PAIP2: variants seen among roughly 807,000 people sequenced by gnomAD.
PAIP2 encodes the protein poly(A) binding protein interacting protein 2.
PAIP2 carries 7 observed loss-of-function variants against 14.8 expected under a neutral mutation model. That is an observed-to-expected ratio of 0.47 (90% CI 0.27 to 0.89). The LOEUF is 0.89. Ranked by LOEUF, PAIP2 falls within the 40% of genes least tolerant of loss-of-function variation. The pLI is 0.13. For missense variants in PAIP2, 122 were observed against 154.7 expected, an observed-to-expected ratio of 0.79 and a Z score of 1.12; for synonymous variants, 47 against 45.3, an observed-to-expected ratio of 1.04 and a Z score of -0.15.
intron 1 of PAIP2, among the ~76,000 whole-genome samples, chr5:139,352,498 TGTTG>T (rs775437086): frequency 3.6e-4 from 34 of 94,758 alleles, no homozygotes; most frequent in African/African-American, 7.9e-4. Context: ...GTTTTTTTTT[TGTTG>T]TTTTTTTTTT....
chr5:139,348,317 TAGCTGGGACAAC>T (rs1043531699), intron 1 of PAIP2, among the ~76,000 whole-genome samples: 2 of 151,324 alleles, frequency 1.3e-5, no homozygotes, highest in Admixed American at 6.6e-5. Flanking sequence ...GCCTTCTGAG[TAGCTGGGACAAC>T]AGGGGACCAC....
intron 1 of PAIP2, among the ~76,000 whole-genome samples, chr5:139,350,808 T>C (rs528564373): frequency 2.0e-5 from 3 of 152,252 alleles, no homozygotes; most frequent in East Asian, 3.9e-4. Flanking sequence ...GTTTTTGATA[T>C]TGGTATAGAA....
chr5:139,364,041 A>G (rs1263523890), intron 2 of PAIP2, 119 bp downstream of exon 2: 1 of 803,542 alleles, frequency 1.2e-6, no homozygotes, highest in Non-Finnish European at 2.0e-6. Flanking sequence ...CTGATGTGCC[A>G]CCACTCCTGT....
intron 2 of PAIP2, 35 bp from the exon 3 acceptor site, chr5:139,364,529 A>C: frequency 7.8e-7 from 1 of 1,275,512 alleles, no homozygotes; most frequent in Non-Finnish European, 1.1e-6. Flanking sequence ...ATATCTACCA[A>C]GTGTGCTATA....
At chr5:139,361,802 A>G (rs1038085861) in intron 1 of PAIP2, among the ~76,000 whole-genome samples, 2 of 152,084 alleles carry the variant, frequency 1.3e-5, no homozygotes, top group South Asian at 2.1e-4. Flanking sequence ...AAAGTTAGCC[A>G]GGTGATAATG....
rs549424564 is a variant in PAIP2, at chr5:139,369,708, G to A, written c.*910G>A. The stretch of plus-strand genomic sequence containing the variant: ...AAAATATTTAAAAAAATAAATAATA[G>A]TAGAACTGAGCAGATGGTTGTGTTT... On this transcript the variant is annotated 3_prime_UTR_variant, in exon 4 of 4. Transcript: ENST00000265192. The A allele has an allele frequency of 6.6e-6, 1 of 152,614 alleles. No homozygotes were observed. Among genetic ancestry groups the A allele is most frequent in the South Asian group, 2.1e-4 (1 of 4,810 alleles). The allele number at this position is 152,614 out of a possible 1,614,324, so 9.5% of individuals were successfully genotyped here. A position where few individuals can be genotyped will look rare whatever the true frequency, so the allele number is the denominator to read the frequency against.
chr5:139,361,959 G>A (rs956240502), intron 1 of PAIP2, among the ~76,000 whole-genome samples: 3 of 141,804 alleles, frequency 2.1e-5, no homozygotes, highest in African/African-American at 5.0e-5. Context: ...AAAAAAAGAT[G>A]CCTGAAACTC....
chr5:139,350,874 A>G (rs1020472843), intron 1 of PAIP2, among the ~76,000 whole-genome samples: 1 of 152,180 alleles, frequency 6.6e-6, no homozygotes, highest in Non-Finnish European at 1.5e-5. Context: ...TGGGAATTCA[A>G]TTATGATAAA....
At chr5:139,368,447 T>A (rs961447762) in intron 3 of PAIP2, among the ~76,000 whole-genome samples, 8 of 152,194 alleles carry the variant, frequency 5.3e-5, no homozygotes, top group Admixed American at 3.9e-4. Context: ...GAGAATCGCT[T>A]GAACCCAGGT....
Position 139,341,879 on chromosome 5 carries a change from CGGCGGGCGAA to C in PAIP2, c.-126_-117del, listed in dbSNP as rs1756387272. On this transcript the variant is annotated 5_prime_UTR_variant, in exon 1 of 4. Coordinates refer to ENST00000265192, the MANE Select transcript of PAIP2 (RefSeq NM_016480.5). ...GTTTGTTTGGACTGGAGAAGGGAGG[CGGCGGGCGAA>C]GCGCACGTCGAGCGGGGGAGCGGCG... 6.5e-6 allele frequency: 1 copy of C among 152,810 alleles called. No individual in the cohort carries two copies. Among genetic ancestry groups the C allele is most frequent in the African/African-American group, 2.4e-5 (1 of 41,458 alleles). 9.5% of individuals were successfully genotyped at this position (152,810 alleles called of 1,614,324 possible).
intron 1 of PAIP2, among the ~76,000 whole-genome samples, chr5:139,352,828 C>T (rs1013314882): frequency 1.1e-4 from 16 of 151,432 alleles, no homozygotes; most frequent in Non-Finnish European, 2.2e-4. Flanking sequence ...AAGATAGTAA[C>T]AGATGAGGCT....
At chr5:139,356,760 G>T (rs770255668) in intron 1 of PAIP2, among the ~76,000 whole-genome samples, 3 of 149,468 alleles carry the variant, frequency 2.0e-5, no homozygotes, top group Non-Finnish European at 4.5e-5. Context: ...GCTGGCATGC[G>T]CCTGTAGTCC....
At chr5:139,365,203 T>C (rs1306987174) in intron 3 of PAIP2, 2 of 149,676 alleles carry the variant, frequency 1.3e-5, no homozygotes, top group Non-Finnish European at 3.0e-5. Context: ...ATACAAAATT[T>C]GGCCAGGCAC....
chr5:139,367,820 G>A (rs1188585104), intron 3 of PAIP2, among the ~76,000 whole-genome samples: 1 of 152,152 alleles, frequency 6.6e-6, no homozygotes, highest in Non-Finnish European at 1.5e-5. Flanking sequence ...TCCTTGTTCC[G>A]TGCTATTCCT....
At chr5:139,358,633 TAG>T (rs1276235524) in intron 1 of PAIP2, among the ~76,000 whole-genome samples, 1 of 152,130 alleles carries the variant, frequency 6.6e-6, no homozygotes, top group Non-Finnish European at 1.5e-5. Flanking sequence ...TTAATCAGAG[TAG>T]ATAAAATGTG....
intron 1 of PAIP2, among the ~76,000 whole-genome samples, chr5:139,363,095 G>C (rs1757120058): frequency 6.6e-6 from 1 of 152,034 alleles, no homozygotes; most frequent in Non-Finnish European, 1.5e-5. Context: ...ACAAAAATTA[G>C]CTGGGCATGG....
intron 1 of PAIP2, among the ~76,000 whole-genome samples, chr5:139,343,756 G>T (rs1237824617): frequency 6.8e-6 from 1 of 147,354 alleles, no homozygotes; most frequent in Non-Finnish European, 1.5e-5. Flanking sequence ...CTGTCGCCAG[G>T]CTGGAGTGCT....
chr5:139,358,185 C>T (rs1292552755), intron 1 of PAIP2, among the ~76,000 whole-genome samples: 1 of 152,184 alleles, frequency 6.6e-6, no homozygotes, highest in African/African-American at 2.4e-5. Context: ...TTCAGCTCCA[C>T]TGTTCACTAG....
chr5:139,365,623 G>A (rs1291097910), intron 3 of PAIP2, among the ~76,000 whole-genome samples: 1 of 151,188 alleles, frequency 6.6e-6, no homozygotes, highest in East Asian at 1.9e-4. Flanking sequence ...CCGAGATTAC[G>A]CCACTGCACT....
Sources: gnomAD v4.1 joint callset for allele counts (sites outside exome capture counted in the v4.1 genomes callset) on GRCh38, gnomAD v4.1.1 for gene constraint, MANE v1.5 for transcripts, NCBI Gene and HGNC (gene_info 2026-07-23, HGNC 2026-07-21) for gene names.